Variants in CASK observed in about 807,000 individuals in gnomAD.
The protein encoded by CASK is calcium/calmodulin dependent serine protein kinase.
Under a neutral mutation model 82.9 loss-of-function variants are expected in CASK, and 4 were observed. The observed-to-expected ratio is 0.05, with a 90% CI of 0.02 to 0.11. The LOEUF is 0.11. Ranked by LOEUF, CASK falls within the 10% of genes least tolerant of loss-of-function variation. The pLI, the probability that CASK is intolerant of heterozygous loss-of-function variation, is 1.00. For synonymous variants in CASK, 259 were observed against 253.5 expected (o/e 1.02, Z -0.20); for missense variants, 358 against 720.9 (o/e 0.50, Z 5.76).
chrX:41,727,756 T>C (rs748342166), intron 5 of CASK: 1 of 1,208,708 alleles, frequency 8.3e-7, no homozygotes, highest in Admixed American at 2.2e-5. Context: ...AGATTTGACT[T>C]ACAGTTCTGT....
At chrX:41,546,304 C>T (rs183273132) in intron 21 of CASK, among the ~76,000 whole-genome samples, 892 of 110,463 alleles carry the variant, frequency 8.1e-3, no homozygotes, top group Non-Finnish European at 0.012. Flanking sequence ...GAGACTGGAC[C>T]TTGCTATGTT....
chrX:41,647,227 T>C (rs1286660307), intron 8 of CASK, among the ~76,000 whole-genome samples: 1 of 112,664 alleles, frequency 8.9e-6, no homozygotes, highest in African/African-American at 3.2e-5. Context: ...GCAAATGCAG[T>C]GCGATTGGAA....
intron 12 of CASK, among the ~76,000 whole-genome samples, chrX:41,606,647 T>C (rs1368904140): frequency 9.0e-6 from 1 of 111,223 alleles, no homozygotes; most frequent in Non-Finnish European, 1.9e-5. Context: ...TTAATTTGAC[T>C]GGAGCTCATG....
At chrX:41,715,218 G>A (rs2068039649) in intron 5 of CASK, among the ~76,000 whole-genome samples, 1 of 112,526 alleles carries the variant, frequency 8.9e-6, no homozygotes, top group African/African-American at 3.2e-5. Context: ...TCAGGCAGAA[G>A]GGCAGTGGAA....
At chrX:41,833,799 A>C (rs2070875080) in intron 2 of CASK, among the ~76,000 whole-genome samples, 1 of 111,756 alleles carries the variant, frequency 8.9e-6, no homozygotes, top group Middle Eastern at 4.2e-3. Context: ...CCCAGGCTGG[A>C]GTGCAGTGGC....
chrX:41,711,965 G>C, intron 5 of CASK, among the ~76,000 whole-genome samples: 1 of 112,739 alleles, frequency 8.9e-6, no homozygotes, highest in Non-Finnish European at 1.9e-5. Flanking sequence ...ATAAGGACAG[G>C]AGCTTGGGAA....
chrX:41,864,219 CCT>C (rs1008189420), intron 1 of CASK, among the ~76,000 whole-genome samples: 1 of 111,160 alleles, frequency 9.0e-6, no homozygotes, highest in African/African-American at 3.3e-5. Context: ...CACCAATACG[CCT>C]CTCTCTATTC....
intron 1 of CASK, among the ~76,000 whole-genome samples, chrX:41,917,483 T>C (rs182190919): frequency 5.3e-5 from 6 of 112,271 alleles, no homozygotes. Flanking sequence ...AAGCAAGGTA[T>C]ATCTGCTCCT....
At chrX:41,778,520 C>T (rs189491798) in intron 3 of CASK, among the ~76,000 whole-genome samples, 2 of 111,535 alleles carry the variant, frequency 1.8e-5, no homozygotes, top group African/African-American at 3.3e-5. Flanking sequence ...TGTGAGCCAC[C>T]GTGCCTGGCC....
intron 2 of CASK, among the ~76,000 whole-genome samples, chrX:41,852,136 G>C (rs1221380539): frequency 9.0e-6 from 1 of 111,026 alleles, no homozygotes; most frequent in Non-Finnish European, 1.9e-5. Flanking sequence ...CAACTTCTAA[G>C]AATCTTCCAT....
At chrX:41,732,907 T>G (rs139236038) in intron 5 of CASK, among the ~76,000 whole-genome samples, 2,341 of 109,972 alleles carry the variant, frequency 0.021, 34 homozygotes, top group Admixed American at 0.051. Flanking sequence ...ATTTTTATTT[T>G]TTGATAGAGA....
At chrX:41,628,372 C>T (rs1602374075) in intron 9 of CASK, among the ~76,000 whole-genome samples, 1 of 111,931 alleles carries the variant, frequency 8.9e-6, no homozygotes, top group Non-Finnish European at 1.9e-5. Flanking sequence ...GGCACAATCT[C>T]GGCTCTTTGC....
intron 1 of CASK, among the ~76,000 whole-genome samples, chrX:41,888,645 A>G (rs1273474468): frequency 3.8e-5 from 4 of 105,352 alleles, no homozygotes; most frequent in Non-Finnish European, 7.7e-5. Flanking sequence ...ATGTATATAT[A>G]TGTGTATATA....
chrX:41,876,515 T>C (rs188667486), intron 1 of CASK, among the ~76,000 whole-genome samples: 1 of 111,914 alleles, frequency 8.9e-6, no homozygotes, highest in African/African-American at 3.2e-5. Context: ...TATTCACTTA[T>C]TTTATATATT....
intron 5 of CASK, among the ~76,000 whole-genome samples, chrX:41,730,795 C>G (rs878971308): frequency 9.0e-6 from 1 of 111,373 alleles, no homozygotes; most frequent in Admixed American, 9.6e-5. Flanking sequence ...TCCACCCCCC[C>G]GGGGTCAAGT....
At chrX:41,771,469 G>A (rs1403820839) in intron 3 of CASK, among the ~76,000 whole-genome samples, 1 of 111,511 alleles carries the variant, frequency 9.0e-6, no homozygotes, top group Admixed American at 9.6e-5. Flanking sequence ...AATAGGAGAT[G>A]ATATAAATAC....
At chrX:41,557,811 T>C (rs2065177227) in intron 18 of CASK, among the ~76,000 whole-genome samples, 1 of 111,616 alleles carries the variant, frequency 9.0e-6, no homozygotes, top group Non-Finnish European at 1.9e-5. Flanking sequence ...ACACTCAAAA[T>C]ATTTTCCAGG....
rs186040461 is a variant in CASK, at chrX:41,575,341, C to T, written c.1503+2999G>A. On this transcript the variant is annotated intron_variant, in intron 15 of 26. Transcript: ENST00000378163. ...GGAACTGATTCACTTTCTCTCTGTT[C>T]CCAAGTTCACAAATTCTAGGGAAGG... Among the ~76,000 whole-genome samples, 3 of 111,659 alleles carry T rather than the reference C, an allele frequency of 2.7e-5. No homozygotes were observed. In the East Asian group the frequency reaches 8.4e-4, roughly 31 times the overall value.
intron 2 of CASK, among the ~76,000 whole-genome samples, chrX:41,836,867 G>T (rs2070935781): frequency 8.9e-6 from 1 of 112,001 alleles, no homozygotes; most frequent in African/African-American, 3.2e-5. Context: ...CAAAAGGAAG[G>T]TATAGAGATT....
Sources: gnomAD v4.1 joint callset for allele counts (sites outside exome capture counted in the v4.1 genomes callset) on GRCh38, gnomAD v4.1.1 for gene constraint, MANE v1.5 for transcripts, NCBI Gene and HGNC (gene_info 2026-07-23, HGNC 2026-07-21) for gene names.